The following PDE5A variants were observed in gnomAD, a reference collection of about 807,000 sequenced individuals.
PDE5A encodes cGMP-specific 3',5'-cyclic phosphodiesterase.
In PDE5A, 67 loss-of-function variants were observed where a neutral mutation model predicts 110.2. The observed-to-expected ratio is 0.61, with a 90% CI of 0.50 to 0.75. The LOEUF is 0.75. Among genes scored for constraint, PDE5A ranks in the 30% least tolerant of loss-of-function variants. The pLI, the probability that PDE5A is intolerant of heterozygous loss-of-function variation, is 0.00. For synonymous variants in PDE5A, 328 were observed against 351.2 expected (o/e 0.93, Z 0.74); for missense variants, 862 against 1,045.1 (o/e 0.82, Z 2.42).
chr4:119,619,787 T>C (rs1730077328), intron 1 of PDE5A, among the ~76,000 whole-genome samples: 1 of 152,220 alleles, frequency 6.6e-6, no homozygotes. Flanking sequence ...ATGAACACTA[T>C]GAGGTAAATG....
chr4:119,503,789 C>T (rs1264160764), intron 18 of PDE5A, among the ~76,000 whole-genome samples: 1 of 152,042 alleles, frequency 6.6e-6, no homozygotes, highest in Non-Finnish European at 1.5e-5. Flanking sequence ...TAGATGCTCT[C>T]TTTCTTAATA....
chr4:119,602,715 T>C (rs1348913406), intron 2 of PDE5A, among the ~76,000 whole-genome samples: 1 of 152,164 alleles, frequency 6.6e-6, no homozygotes, highest in Non-Finnish European at 1.5e-5. Context: ...TATTGATAAA[T>C]AGTTGAAATA....
intron 1 of PDE5A, among the ~76,000 whole-genome samples, chr4:119,618,871 G>C (rs935284068): frequency 6.6e-6 from 1 of 151,952 alleles, no homozygotes; most frequent in Non-Finnish European, 1.5e-5. Context: ...TACTTACTTG[G>C]GTAAATCCTA....
intron 12 of PDE5A, among the ~76,000 whole-genome samples, chr4:119,524,271 C>A (rs1249044210): frequency 2.0e-5 from 3 of 152,070 alleles, no homozygotes; most frequent in Non-Finnish European, 4.4e-5. Flanking sequence ...AGAGGTATGA[C>A]TCAAAAATCC....
intron 2 of PDE5A, among the ~76,000 whole-genome samples, chr4:119,605,090 T>A (rs1327941284): frequency 6.6e-6 from 1 of 152,106 alleles, no homozygotes; most frequent in Non-Finnish European, 1.5e-5. Flanking sequence ...ATCATACTGG[T>A]TCCCCTTTCA....
chr4:119,543,661 A>C (rs1464555099), intron 9 of PDE5A: 1 of 152,148 alleles, frequency 6.6e-6, no homozygotes, highest in Non-Finnish European at 1.5e-5. Context: ...CACAAGGGCC[A>C]CTCTCAACTG....
intron 1 of PDE5A, among the ~76,000 whole-genome samples, chr4:119,609,941 T>A (rs1253155036): frequency 6.6e-6 from 1 of 152,140 alleles, no homozygotes; most frequent in African/African-American, 2.4e-5. Flanking sequence ...AATGAGTAAT[T>A]TAAAGGAAAA....
At chr4:119,546,854 T>A (rs916859389) in intron 9 of PDE5A, among the ~76,000 whole-genome samples, 6 of 152,060 alleles carry the variant, frequency 3.9e-5, no homozygotes, top group African/African-American at 1.4e-4. Flanking sequence ...AATGGTTTTA[T>A]TTTTTTCCAT....
At chr4:119,547,241 A>G (rs1383311636) in intron 9 of PDE5A, among the ~76,000 whole-genome samples, 1 of 150,906 alleles carries the variant, frequency 6.6e-6, no homozygotes, top group African/African-American at 2.4e-5. Flanking sequence ...GTTAATTCCT[A>G]TTTGCTACAC....
At chr4:119,515,867 C>A (rs1560598026) in intron 14 of PDE5A, among the ~76,000 whole-genome samples, 1 of 152,158 alleles carries the variant, frequency 6.6e-6, no homozygotes. Context: ...TACATTCAGA[C>A]TTCCTTCCTA....
At chr4:119,615,162 T>C (rs1169843752) in intron 1 of PDE5A, among the ~76,000 whole-genome samples, 2 of 152,190 alleles carry the variant, frequency 1.3e-5, no homozygotes, top group African/African-American at 2.4e-5. Flanking sequence ...GTTTGCAGTA[T>C]GAATAGGACA....
rs202163126 is a variant in PDE5A at position 119,562,879 on chromosome 4, A to G, written c.1085T>C (p.Met362Thr). The part of the protein sequence containing the change: ...KKIAATIISF[M>T]QVQKCTIFIV... ...GAAAATGGTGCATTTCTGCACTTGCATGAAAGAGATAATAGTGGCAGCTAT... is the reference window on the plus strand; with the variant it reads ...GAAAATGGTGCATTTCTGCACTTGCGTGAAAGAGATAATAGTGGCAGCTAT... The change falls in exon 6 of 21, where the codon ATG becomes ACG. Residue 362 changes from methionine (M) to threonine (T), a missense_variant. Met to Thr is a moderately conservative substitution (Grantham distance 81). Transcript: ENST00000354960. The G allele has an allele frequency of 1.3e-6, 2 of 1,597,458 alleles. No homozygotes were observed. Among genetic ancestry groups the G allele is most frequent in the East Asian group, 2.3e-5 (1 of 43,836 alleles).
At chr4:119,581,103 C>T (rs549676895) in intron 3 of PDE5A, among the ~76,000 whole-genome samples, 1 of 152,272 alleles carries the variant, frequency 6.6e-6, no homozygotes, top group East Asian at 1.9e-4. Flanking sequence ...GTCTCTATAG[C>T]CTTGTAAAAT....
intron 1 of PDE5A, among the ~76,000 whole-genome samples, chr4:119,625,613 G>A (rs1460352990): frequency 1.3e-5 from 2 of 151,956 alleles, no homozygotes; most frequent in East Asian, 1.9e-4. Flanking sequence ...AAAACATGCC[G>A]CATGCATCTA....
chr4:119,555,964 T>G (rs948001877), intron 7 of PDE5A, among the ~76,000 whole-genome samples: 1 of 152,208 alleles, frequency 6.6e-6, no homozygotes, highest in African/African-American at 2.4e-5. Flanking sequence ...AAATAAAGAT[T>G]GAATACCTTC....
rs1214185906 is a variant in PDE5A at position 119,560,499 on chromosome 4, T to C, written c.1132-136A>G. ...TATTTTTACTTATTCTTGGACAAAA[T>C]AGACCCAAGTACTCATTTTATGACA... On this transcript the variant is annotated intron_variant, in intron 6 of 20. Coordinates refer to ENST00000354960, the MANE Select transcript of PDE5A (RefSeq NM_001083.4). 8 of 456,152 alleles carry C rather than the reference T, an allele frequency of 1.8e-5. 1 individual carries two copies. The highest frequency in any genetic ancestry group is 4.8e-4 in the Middle Eastern group (1 of 2,086). 28.3% of individuals were successfully genotyped at this position (456,152 alleles called of 1,614,324 possible).
chr4:119,552,836 A>G (rs1727403472), intron 8 of PDE5A, among the ~76,000 whole-genome samples, 199 bp from the exon 9 acceptor site: 1 of 152,100 alleles, frequency 6.6e-6, no homozygotes, highest in Non-Finnish European at 1.5e-5. Context: ...TACTTTGTTA[A>G]AAATATCGGA....
intron 3 of PDE5A, 142 bp from the exon 4 acceptor site, chr4:119,567,286 A>G (rs746011433): frequency 5.0e-6 from 3 of 596,664 alleles, no homozygotes; most frequent in Non-Finnish European, 9.0e-6. Flanking sequence ...ACCCCTCATC[A>G]GCATTTGAGC....
In PDE5A at chr4:119,565,401, C is replaced by T. The variant is rs200753718; in HGVS notation, c.913G>A (p.Ala305Thr). 5 of 1,609,548 alleles carry T rather than the reference C, an allele frequency of 3.1e-6. No individual in the cohort carries two copies. The highest frequency in any genetic ancestry group is 2.2e-5 in the East Asian group (1 of 44,676). The part of the protein sequence containing the change: ...FTEKDEKDFA[A>T]YLAFCGIVLH... ...ACAATACCACAAAATGCCAAATAAG[C>T]AGCAAAGTCCTAAAAAACAGATAAT... The change falls in exon 5 of 21, where the codon GCT becomes ACT. Residue 305 changes from alanine (A) to threonine (T), a missense_variant. Transcript: ENST00000354960.
Sources: gnomAD v4.1 joint callset for allele counts (sites outside exome capture counted in the v4.1 genomes callset) on GRCh38, gnomAD v4.1.1 for gene constraint, MANE v1.5 for transcripts, NCBI Gene and HGNC (gene_info 2026-07-23, HGNC 2026-07-21) for gene names.